The following CHDH variants were observed in gnomAD, a reference collection of about 807,000 sequenced individuals.
CHDH encodes choline dehydrogenase, also known as choline dehydrogenase, mitochondrial.
CHDH carries 43 observed loss-of-function variants against 56.9 expected under a neutral mutation model. The ratio of observed to expected loss-of-function variants is 0.76; its 90% CI spans 0.59 to 0.97. The LOEUF (loss-of-function observed/expected upper bound fraction) is 0.97. CHDH is among the 50% of genes least tolerant of loss of function. The pLI, the probability that CHDH is intolerant of heterozygous loss-of-function variation, is 0.00. For missense variants in CHDH, 816 were observed against 821.1 expected, an observed-to-expected ratio of 0.99 and a Z score of 0.08; for synonymous variants, 364 against 348.5, an observed-to-expected ratio of 1.04 and a Z score of -0.50.
intron 2 of CHDH, among the ~76,000 whole-genome samples, chr3:53,827,037 T>C (rs1434216054): frequency 5.9e-5 from 9 of 152,100 alleles, no homozygotes; most frequent in African/African-American, 2.2e-4. Context: ...CCCCAACACT[T>C]TGGGAGGCTA....
intron 2 of CHDH, among the ~76,000 whole-genome samples, chr3:53,835,391 A>C (rs1224268510): frequency 6.6e-6 from 1 of 152,230 alleles, no homozygotes; most frequent in Non-Finnish European, 1.5e-5. Context: ...GGCACCCTGA[A>C]GTCAGCACTG....
chr3:53,840,441 T>C (rs533095574), intron 2 of CHDH, among the ~76,000 whole-genome samples: 3 of 152,084 alleles, frequency 2.0e-5, no homozygotes, highest in East Asian at 1.9e-4. Flanking sequence ...GGTGGGAGGA[T>C]TGCTTGAGCC....
chr3:53,818,010 T>C lies in CHDH; in HGVS notation c.1552A>G (p.Met518Val), dbSNP rs1410830041. The C allele has an allele frequency of 1.2e-6, 2 of 1,614,070 alleles. No homozygotes were observed. The highest frequency in any genetic ancestry group is 2.7e-5 in the African/African-American group (2 of 74,940). The change falls in exon 9 of 9, where the codon ATG becomes GTG. Residue 518 changes from methionine to valine, a missense_variant. Met to Val is a conservative substitution (Grantham distance 21, BLOSUM62 1). Coordinates refer to ENST00000315251, the MANE Select transcript of CHDH (RefSeq NM_018397.5). ...GCAGTGGGATCGGAGGGCTGGCCCA[T>C]CTTACAGGTGCACGAGGGGTGGTAG... is the stretch of plus-strand genomic sequence containing the variant. ...SAYHPSCTCK[M>V]GQPSDPTAVV...
chr3:53,842,695 C>T (rs1002812461), intron 1 of CHDH, among the ~76,000 whole-genome samples: 1 of 152,290 alleles, frequency 6.6e-6, no homozygotes, highest in South Asian at 2.1e-4. Context: ...CCTGGGCCAG[C>T]CCCTCCTACT....
chr3:53,824,824 G>GAAA (rs1198579294), intron 2 of CHDH, among the ~76,000 whole-genome samples: 1 of 152,168 alleles, frequency 6.6e-6, no homozygotes, highest in African/African-American at 2.4e-5. Flanking sequence ...AACCTCCATT[G>GAAA]AAAAGAACAC....
intron 1 of CHDH, among the ~76,000 whole-genome samples, chr3:53,841,434 G>A (rs1446533186): frequency 6.6e-6 from 1 of 152,206 alleles, no homozygotes; most frequent in Non-Finnish European, 1.5e-5. Flanking sequence ...TACAAGCAGA[G>A]CCACTTCCAG....
chr3:53,835,470 T>C (rs955080576), intron 2 of CHDH, among the ~76,000 whole-genome samples: 1 of 152,172 alleles, frequency 6.6e-6, no homozygotes, highest in Non-Finnish European at 1.5e-5. Context: ...TGACAGTCTT[T>C]TGGGGAAACT....
rs1313417368 is a variant in CHDH, at chr3:53,813,520, C to T, written c.*4257G>A. On this transcript the variant is annotated 3_prime_UTR_variant, in exon 9 of 9. Transcript: ENST00000315251. ...GGGCTACACCACTGTCAACATTATC[C>T]TGGACTCTGTGTCTCTCTCTGTTGG... is the stretch of plus-strand genomic sequence containing the variant. 6.6e-6 allele frequency: 1 copy of T among 152,226 alleles called. No homozygotes were observed. The highest frequency in any genetic ancestry group is 1.5e-5 in the Non-Finnish European group (1 of 68,058). 9.4% of individuals were successfully genotyped at this position (152,226 alleles called of 1,614,324 possible). A position where few individuals can be genotyped will look rare whatever the true frequency, so the allele number is the denominator to read the frequency against.
In CHDH at chr3:53,821,238, G is replaced by A. The variant is rs530745854; in HGVS notation, c.985+409C>T. On this transcript the variant is annotated intron_variant, in intron 5 of 8. Coordinates refer to ENST00000315251, the MANE Select transcript of CHDH (RefSeq NM_018397.5). ...AACAAAGTTTACATCTTAACATGAAGAGCAGGCTCTGGAGCACGGAGCTGA... is the reference window on the plus strand; with the variant it reads ...AACAAAGTTTACATCTTAACATGAAAAGCAGGCTCTGGAGCACGGAGCTGA... 6.3e-4 allele frequency among the ~76,000 whole-genome samples: 96 copies of A among 152,356 alleles called. 1 individual carries two copies. In the South Asian group the frequency reaches 0.019, roughly 30 times the overall value.
intron 1 of CHDH, chr3:53,844,570 T>A (rs17641133): frequency 0.22 from 33,177 of 152,724 alleles, 4,458 homozygotes; most frequent in Non-Finnish European, 0.3. Context: ...GAACCCTGTC[T>A]CCAGGCCTAA....
At position 53,817,923 on chromosome 3, in the gene CHDH, T is replaced by C. The variant is rs1386580069; in HGVS notation, c.1639A>G (p.Ile547Val). 10 of 1,614,096 alleles carry C rather than the reference T, an allele frequency of 6.2e-6. No individual in the cohort carries two copies. Among genetic ancestry groups the C allele is most frequent in the Non-Finnish European group, 7.6e-6 (9 of 1,180,050 alleles). Residue 547 changes from isoleucine to valine, a missense_variant, in exon 9 of 9, where the codon ATC becomes GTC. Physicochemically the swap from Ile to Val is conservative, Grantham distance 29. Transcript: ENST00000315251. ...TTGCCGCTGACCATGCTAGGCATGA[T>C]GGAGGCATCGACGACCCTGAGGTTT... The part of the protein sequence containing the change: ...VENLRVVDAS[I>V]MPSMVSGNLN...
chr3:53,836,083 C>T (rs1698485037), intron 2 of CHDH, among the ~76,000 whole-genome samples: 2 of 152,208 alleles, frequency 1.3e-5, no homozygotes, highest in South Asian at 2.1e-4. Flanking sequence ...GGAGCACAAC[C>T]GTCTGAATAC....
chr3:53,836,444 C>T (rs1259350786), intron 2 of CHDH, among the ~76,000 whole-genome samples: 1 of 152,252 alleles, frequency 6.6e-6, no homozygotes, highest in East Asian at 1.9e-4. Flanking sequence ...ATGCTGTTCT[C>T]TCCTCCAGGT....
chr3:53,818,825 G>A (rs1203884197), intron 8 of CHDH, 113 bp downstream of exon 8: 2 of 774,998 alleles, frequency 2.6e-6, no homozygotes, highest in African/African-American at 1.7e-5. Flanking sequence ...GGACGACAGA[G>A]GGTCACTTGT....
Position 53,813,601 on chromosome 3 carries a change from T to C in CHDH, c.*4176A>G, listed in dbSNP as rs974090244. On this transcript the variant is annotated 3_prime_UTR_variant, in exon 9 of 9. Coordinates refer to ENST00000315251, the MANE Select transcript of CHDH (RefSeq NM_018397.5). ...CCAGACCAGGACCCTAAGTGTCTGA[T>C]AGAGGCGATGATCTTTTCCAAAGTC... The C allele has an allele frequency of 1.2e-4, 19 of 152,234 alleles. No homozygotes were observed. The highest frequency in any genetic ancestry group is 4.6e-4 in the African/African-American group (19 of 41,462). The allele number at this position is 152,234 out of a possible 1,614,324, so 9.4% of individuals were successfully genotyped here.
chr3:53,845,488 C>T lies in CHDH; in HGVS notation c.-131+595G>A, dbSNP rs1698835779. Among the ~76,000 whole-genome samples the T allele has an allele frequency of 2.0e-5, 3 of 152,220 alleles. No homozygotes were observed. In the South Asian group the frequency reaches 6.2e-4, roughly 32 times the overall value. On this transcript the variant is annotated intron_variant, in intron 1 of 8. Transcript: ENST00000315251. Reference sequence around the variant, plus strand: ...TTGGTCACCACAACCCTGTCGTTTGCAAACCGAGGGGGCTGAAGCAGCAGT... The same window carrying T: ...TTGGTCACCACAACCCTGTCGTTTGTAAACCGAGGGGGCTGAAGCAGCAGT...
chr3:53,835,834 C>T (rs368481352), intron 2 of CHDH, among the ~76,000 whole-genome samples: 8 of 152,154 alleles, frequency 5.3e-5, no homozygotes, highest in Non-Finnish European at 5.9e-5. Flanking sequence ...ATCATCACTC[C>T]GTCACCATCA....
chr3:53,819,897 G>C lies in CHDH; in HGVS notation c.1121-223C>G, dbSNP rs2095622902. ...GCTATTTGCCAAAAGGATGGCATCA[G>C]CTCTGCTCTCTACCAGGGCCAATTC... On this transcript the variant is annotated intron_variant, in intron 6 of 8. Transcript: ENST00000315251. The surrounding 1 kb of genome is among the most constrained non-coding windows in gnomAD (Gnocchi z 5.4). Among the ~76,000 whole-genome samples the C allele has an allele frequency of 3.3e-5, 5 of 152,340 alleles. No homozygotes were observed. In the South Asian group the frequency reaches 8.3e-4, roughly 25 times the overall value.
intron 1 of CHDH, among the ~76,000 whole-genome samples, chr3:53,843,492 G>A (rs1440531191): frequency 6.6e-6 from 1 of 152,104 alleles, no homozygotes; most frequent in Non-Finnish European, 1.5e-5. Flanking sequence ...GTCTGGGTCA[G>A]GGCCATAGGT....
Sources: gnomAD v4.1 joint callset for allele counts (sites outside exome capture counted in the v4.1 genomes callset) on GRCh38, gnomAD v4.1.1 for gene constraint, Gnocchi (gnomAD v3.1) non-coding constraint, MANE v1.5 for transcripts, NCBI Gene and HGNC (gene_info 2026-07-23, HGNC 2026-07-21) for gene names.